Variants in PDHA1 observed in about 807,000 individuals in gnomAD.
PDHA1 encodes pyruvate dehydrogenase E1 subunit alpha 1.
In PDHA1, 1 loss-of-function variant was observed where a neutral mutation model predicts 33.0. The observed-to-expected ratio is 0.03, with a 90% CI of 0.01 to 0.14. The LOEUF is 0.14. Among genes scored for constraint, PDHA1 ranks in the 10% least tolerant of loss-of-function variants. The pLI, the probability that PDHA1 is intolerant of heterozygous loss-of-function variation, is 1.00. For synonymous variants in PDHA1, 123 were observed against 119.2 expected (o/e 1.03, Z -0.21); for missense variants, 168 against 325.1 (o/e 0.52, Z 3.72).
At position 19,346,726 on chromosome X, in the gene PDHA1, A is replaced by G. The variant is rs755539412; in HGVS notation, c.58-2586A>G. 1.4e-5 allele frequency: 7 copies of G among 504,132 alleles called. No homozygotes were observed. In the African/African-American group the frequency reaches 1.7e-4, roughly 12 times the overall value. The allele number at this position is 504,132 out of a possible 1,213,427, so 41.5% of individuals were successfully genotyped here. On this transcript the variant is annotated intron_variant, in intron 1 of 10. Transcript: ENST00000422285. ...ATCAAGATTGTGTTTTTATTTTTGAATAAGGTTTATAGTTTTCATAGTTCT... is the reference window on the plus strand; with the variant it reads ...ATCAAGATTGTGTTTTTATTTTTGAGTAAGGTTTATAGTTTTCATAGTTCT...
chrX:19,344,640 TAA>T (rs2063118366), intron 1 of PDHA1, among the ~76,000 whole-genome samples: 1 of 113,333 alleles, frequency 8.8e-6, no homozygotes, highest in African/African-American at 3.2e-5. Flanking sequence ...TAAATGGAGA[TAA>T]GAGTTATCTC....
chrX:19,360,816 C>G lies in PDHA1; in HGVS notation c.*1163C>G, dbSNP rs1270522443. The G allele has an allele frequency of 8.3e-7, 1 of 1,205,530 alleles. No individual in the cohort carries two copies. Among genetic ancestry groups the G allele is most frequent in the Admixed American group, 2.2e-5 (1 of 44,724 alleles). On this transcript the variant is annotated 3_prime_UTR_variant, in exon 11 of 11. Coordinates refer to ENST00000422285, the MANE Select transcript of PDHA1 (RefSeq NM_000284.4). ...GTACTGGGAGACCGCACTCCAGAGT[C>G]TGCAGAGGAGACCACCCCTGGGAAA...
Position 19,361,494 on chromosome X carries a change from T to A in PDHA1, c.*1841T>A, listed in dbSNP as rs989329615. 1.7e-6 allele frequency: 2 copies of A among 1,207,899 alleles called. No homozygotes were observed. Among genetic ancestry groups the A allele is most frequent in the Non-Finnish European group, 2.2e-6 (2 of 892,009 alleles). ...AGAATTTCTTTGTTGTAAATTTACCTTTTCAATTGTCTTTGCATCAGCTCC... is the reference window on the plus strand; with the variant it reads ...AGAATTTCTTTGTTGTAAATTTACCATTTCAATTGTCTTTGCATCAGCTCC... On this transcript the variant is annotated 3_prime_UTR_variant, in exon 11 of 11. Transcript: ENST00000422285.
In PDHA1 at chrX:19,360,862, G is replaced by A. The variant is rs373390286; in HGVS notation, c.*1209G>A. ...GGAAACAAACACAGCTGTCTTCAGA[G>A]TCAGTGCTTCAAGCCAACAGAGCTT... On this transcript the variant is annotated 3_prime_UTR_variant, in exon 11 of 11. Coordinates refer to ENST00000422285, the MANE Select transcript of PDHA1 (RefSeq NM_000284.4). 1 of 1,104,250 alleles carries A rather than the reference G, an allele frequency of 9.1e-7. No homozygotes were observed. The highest frequency in any genetic ancestry group is 3.0e-5 in the East Asian group (1 of 33,217). The allele number at this position is 1,104,250 out of a possible 1,213,427, so 91.0% of individuals were successfully genotyped here.
chrX:19,357,597 C>T, intron 8 of PDHA1, 55 bp from the exon 9 acceptor site: 3 of 1,009,570 alleles, frequency 3.0e-6, no homozygotes, highest in Non-Finnish European at 4.2e-6. Flanking sequence ...GATTGCCGGC[C>T]TGTTCTTCCA....
chrX:19,355,240 T>C (rs2063187576), intron 6 of PDHA1, 109 bp from the exon 7 acceptor site: 1 of 969,121 alleles, frequency 1.0e-6, no homozygotes, highest in East Asian at 3.1e-5. Context: ...AAGAGGAGGC[T>C]TTCTGTGCTT....
In PDHA1 at chrX:19,360,200, C is replaced by CTAT. The variant is rs770933958; in HGVS notation, c.*549_*551dup. 2.2e-5 allele frequency: 3 copies of CTAT among 137,335 alleles called. No homozygotes were observed. Among genetic ancestry groups the CTAT allele is most frequent in the East Asian group, 4.4e-4 (2 of 4,545 alleles). 11.3% of individuals were successfully genotyped at this position (137,335 alleles called of 1,213,427 possible). The stretch of plus-strand genomic sequence containing the variant: ...TTACACATTCAGTATAAATATGAAG[C>CTAT]TATTTTCTGTTCATATCAAACATTA... On this transcript the variant is annotated 3_prime_UTR_variant, in exon 11 of 11. Coordinates refer to ENST00000422285, the MANE Select transcript of PDHA1 (RefSeq NM_000284.4).
chrX:19,359,490 A>AAAT lies in PDHA1; in HGVS notation c.1011_1013dup (p.Ile338dup). 8.3e-7 allele frequency: 1 copy of AAAT among 1,208,314 alleles called. No homozygotes were observed. The highest frequency in any genetic ancestry group is 1.1e-6 in the Non-Finnish European group (1 of 892,488). ...TTTACACTGTTACCTAATTTTTAGG[A>AAAT]AATTGATGTGGAAGTGAGGAAGGAG... is the stretch of plus-strand genomic sequence containing the variant. On this transcript the variant is annotated inframe_insertion and splice_region_variant, in exon 11 of 11. Transcript: ENST00000422285.
chrX:19,344,897 C>G (rs780865791), intron 1 of PDHA1, among the ~76,000 whole-genome samples: 2 of 112,069 alleles, frequency 1.8e-5, no homozygotes, highest in East Asian at 5.6e-4. Context: ...AACAAACTTC[C>G]TCCTCTTCCC....
chrX:19,358,060 C>G (rs2063216700), intron 9 of PDHA1, among the ~76,000 whole-genome samples: 1 of 112,022 alleles, frequency 8.9e-6, no homozygotes, highest in Non-Finnish European at 1.9e-5. Flanking sequence ...CAAGTCTACA[C>G]CTGGCATACT....
At chrX:19,351,165 C>T (rs1166165826) in intron 3 of PDHA1, 116 bp from the exon 4 acceptor site, 17 of 758,739 alleles carry the variant, frequency 2.2e-5, no homozygotes, top group Admixed American at 5.1e-5. Context: ...TAGCTACTTT[C>T]TCTGGTTATT....
intron 9 of PDHA1, 63 bp downstream of exon 9, chrX:19,357,782 G>GCAA: frequency 1.1e-6 from 1 of 870,621 alleles, no homozygotes; most frequent in Non-Finnish European, 1.7e-6. Context: ...CATGGCAAAA[G>GCAA]CAACACATTT....
At chrX:19,345,876 C>T (rs1225973116) in intron 1 of PDHA1, 2 of 188,355 alleles carry the variant, frequency 1.1e-5, no homozygotes, top group Admixed American at 7.5e-5. Context: ...TTCTGTGTCA[C>T]TCAACTTGTC....
chrX:19,351,578 T>A, intron 4 of PDHA1, 171 bp downstream of exon 4: 2 of 449,060 alleles, frequency 4.5e-6, no homozygotes, highest in South Asian at 3.8e-5. Flanking sequence ...AACTGACCAT[T>A]TGTGAAGTTC....
In PDHA1 at chrX:19,360,964, C is replaced by T. The variant is rs189054591; in HGVS notation, c.*1311C>T. The T allele has an allele frequency of 3.4e-5, 16 of 475,018 alleles. No homozygotes were observed. The highest frequency in any genetic ancestry group is 3.1e-4 in the African/African-American group (13 of 41,783). The allele number at this position is 475,018 out of a possible 1,213,427, so 39.1% of individuals were successfully genotyped here. A position where few individuals can be genotyped will look rare whatever the true frequency, so the allele number is the denominator to read the frequency against. On this transcript the variant is annotated 3_prime_UTR_variant, in exon 11 of 11. Coordinates refer to ENST00000422285, the MANE Select transcript of PDHA1 (RefSeq NM_000284.4). ...CACATATGGAGGTGACGCTCGTGTC[C>T]CAGCAGTAGTAGGACATGGCCTTAG...
chrX:19,351,876 G>A (rs1360731427), intron 4 of PDHA1, among the ~76,000 whole-genome samples: 1 of 93,638 alleles, frequency 1.1e-5, no homozygotes, highest in Non-Finnish European at 2.0e-5. Flanking sequence ...ACGGCTCACT[G>A]CAACCTCCAC....
Position 19,361,273 on chromosome X carries a change from G to T in PDHA1, c.*1620G>T. On this transcript the variant is annotated 3_prime_UTR_variant, in exon 11 of 11. Transcript: ENST00000422285. Reference sequence around the variant, plus strand: ...GGGGAGGCCCAGCCCTTTGTTTTCTGCTCTTGAAGCATATTCACACATAAA... The same window carrying T: ...GGGGAGGCCCAGCCCTTTGTTTTCTTCTCTTGAAGCATATTCACACATAAA... 1 of 922,601 alleles carries T rather than the reference G, an allele frequency of 1.1e-6. No homozygotes were observed. The highest frequency in any genetic ancestry group is 1.5e-6 in the Non-Finnish European group (1 of 655,931). The allele number at this position is 922,601 out of a possible 1,213,427, so 76.0% of individuals were successfully genotyped here. A position where few individuals can be genotyped will look rare whatever the true frequency, so the allele number is the denominator to read the frequency against.
At chrX:19,349,688 A>G (rs2063153359) in intron 2 of PDHA1, among the ~76,000 whole-genome samples, 1 of 112,568 alleles carries the variant, frequency 8.9e-6, no homozygotes, top group African/African-American at 3.2e-5. Context: ...CTTTCAACCT[A>G]TAACTCAGTT....
chrX:19,354,417 A>G, intron 5 of PDHA1, 74 bp from the exon 6 acceptor site: 1 of 636,047 alleles, frequency 1.6e-6, no homozygotes, highest in Non-Finnish European at 2.7e-6. Context: ...GCCAGGAGTG[A>G]AAATGCAGGG....
Sources: allele counts gnomAD v4.1 joint callset (sites outside exome capture counted in the v4.1 genomes callset), GRCh38; gene constraint gnomAD v4.1.1; transcripts MANE v1.5; gene names NCBI Gene and HGNC (gene_info 2026-07-23, HGNC 2026-07-21).